CCDC40: variants seen among roughly 807,000 people sequenced by gnomAD.
The protein encoded by CCDC40 is coiled-coil domain-containing protein 40.
In CCDC40, 104 loss-of-function variants were observed where a neutral mutation model predicts 124.5. That is an observed-to-expected ratio of 0.84 (90% CI 0.71 to 0.98). The LOEUF (loss-of-function observed/expected upper bound fraction) is 0.98. Among genes scored for constraint, CCDC40 ranks in the 50% least tolerant of loss-of-function variants. CCDC40 has a pLI of 0.00. For missense variants in CCDC40, 1,463 were observed against 1,503.9 expected, an observed-to-expected ratio of 0.97 and a Z score of 0.45; for synonymous variants, 580 against 602.9, an observed-to-expected ratio of 0.96 and a Z score of 0.56.
chr17:80,095,329 C>T lies in CCDC40; in HGVS notation c.2899C>T (p.Arg967Cys), dbSNP rs1483239449. The T allele has an allele frequency of 3.7e-6, 6 of 1,614,106 alleles. No homozygotes were observed. The East Asian group carries it at 6.7e-5, about 18-fold the overall frequency. ...CCGTGCCATGGAGTTGGCGGTTGCC[C>T]GCAGAGAGACCGTCACCACCCAGGC... ...MIRAMELAVARRETVTTQAEG... is the reference protein window; with the variant it reads ...MIRAMELAVACRETVTTQAEG... Residue 967 changes from arginine (R) to cysteine (C), a missense_variant, in exon 18 of 20, where the codon CGC becomes TGC. By Grantham distance (180) the Arg-to-Cys change is radical (BLOSUM62 -3). Transcript: ENST00000397545.
intron 3 of CCDC40, among the ~76,000 whole-genome samples, chr17:80,045,507 C>T (rs1351715320): frequency 2.0e-5 from 3 of 152,236 alleles, no homozygotes; most frequent in South Asian, 2.1e-4. Flanking sequence ...AGTTCGAGAC[C>T]GGCCTGGGTA....
At chr17:80,076,542 C>T (rs1018877905) in intron 10 of CCDC40, among the ~76,000 whole-genome samples, 2 of 146,630 alleles carry the variant, frequency 1.4e-5, no homozygotes, top group Non-Finnish European at 3.0e-5. Context: ...CACTGCACTC[C>T]GGCCTGGGTG....
intron 3 of CCDC40, among the ~76,000 whole-genome samples, chr17:80,042,268 A>G (rs956157549): frequency 2.2e-4 from 34 of 152,040 alleles, no homozygotes; most frequent in African/African-American, 8.2e-4. Flanking sequence ...ACAGGCACAC[A>G]CCACCACACC....
intron 19 of CCDC40, chr17:80,098,066 A>T (rs1053374217): frequency 1.3e-5 from 2 of 157,948 alleles, no homozygotes; most frequent in African/African-American, 4.8e-5. Context: ...AGTTAGGGTG[A>T]TGCGGGAAGG....
chr17:80,063,580 G>A (rs1267911069), intron 9 of CCDC40, among the ~76,000 whole-genome samples: 1 of 152,152 alleles, frequency 6.6e-6, no homozygotes, highest in Non-Finnish European at 1.5e-5. Context: ...CTGCCCAATG[G>A]CACAGAGCAG....
rs767741459 is a variant in CCDC40, at chr17:80,087,749, A to G, written c.2592A>G (p.Thr864=). Residue 864 remains threonine (T), a synonymous_variant, in exon 15 of 20, where the codon ACA becomes ACG. Transcript: ENST00000397545. This position sits in a 1 kb window ranked among gnomAD's most constrained non-coding sequence, Gnocchi z 4.5. ...AGCTGGAGCAGAACAACCGGGTGACAGAGAATGAGTTCGTGCGCTCGCTGA... is the reference window on the plus strand; with the variant it reads ...AGCTGGAGCAGAACAACCGGGTGACGGAGAATGAGTTCGTGCGCTCGCTGA... The part of the protein sequence containing the change: ...SEELEQNNRV[T]ENEFVRSLKA... The G allele has an allele frequency of 5.6e-6, 9 of 1,614,010 alleles. No homozygotes were observed. The highest frequency in any genetic ancestry group is 1.7e-5 in the Admixed American group (1 of 60,002).
At chr17:80,060,673 G>A (rs1261529071) in intron 9 of CCDC40, among the ~76,000 whole-genome samples, 3 of 151,954 alleles carry the variant, frequency 2.0e-5, no homozygotes, top group Non-Finnish European at 4.4e-5. Context: ...CCTGGGCTAC[G>A]GAGCAAGACC....
chr17:80,097,250 C>T lies in CCDC40; in HGVS notation c.3027C>T (p.Thr1009=), dbSNP rs79588289. The T allele has an allele frequency of 8.7e-5, 141 of 1,613,892 alleles. No homozygotes were observed. In the East Asian group the frequency reaches 9.4e-4, roughly 11 times the overall value. The change falls in exon 19 of 20, where the codon ACC becomes ACT. Residue 1009 remains threonine, a synonymous_variant. Transcript: ENST00000397545. ...RRKIRDVRKA[T]DECTKTVLEL... ...TGGTCCTGTGATTCTCCTAGGCCACCGATGAGTGCACCAAAACCGTCCTGG... is the reference window on the plus strand; with the variant it reads ...TGGTCCTGTGATTCTCCTAGGCCACTGATGAGTGCACCAAAACCGTCCTGG...
intron 12 of CCDC40, 143 bp downstream of exon 12, chr17:80,082,201 T>C: frequency 3.5e-6 from 2 of 578,676 alleles, no homozygotes. Context: ...GGTGTTCAGG[T>C]TGTAAGGGTG....
chr17:80,067,790 G>A, intron 10 of CCDC40: 3 of 1,456,898 alleles, frequency 2.1e-6, no homozygotes, highest in Non-Finnish European at 2.7e-6. Flanking sequence ...GCCCCCGGCA[G>A]CGGTGTTTCA....
intron 17 of CCDC40, chr17:80,092,013 T>C (rs995750491): frequency 1.3e-5 from 2 of 151,912 alleles, no homozygotes; most frequent in Admixed American, 1.3e-4. Flanking sequence ...ATTTTCTGGG[T>C]TTTTTTGTTT....
At chr17:80,048,869 T>G in intron 5 of CCDC40, 108 bp downstream of exon 5, 1 of 1,001,644 alleles carries the variant, frequency 1.0e-6, no homozygotes, top group Non-Finnish European at 1.5e-6. Context: ...ATGCTGTACT[T>G]GTATCTCGCC....
intron 9 of CCDC40, among the ~76,000 whole-genome samples, chr17:80,062,715 G>A (rs1364721530): frequency 6.6e-6 from 1 of 152,024 alleles, no homozygotes; most frequent in Non-Finnish European, 1.5e-5. Flanking sequence ...AAGTAGGTAG[G>A]ACTATAAGCA....
At chr17:80,089,074 A>T (rs1340675642) in intron 16 of CCDC40, among the ~76,000 whole-genome samples, 1 of 152,248 alleles carries the variant, frequency 6.6e-6, no homozygotes, top group Non-Finnish European at 1.5e-5. Context: ...ATATAATTCC[A>T]ACGCCCTTCA....
intron 1 of CCDC40, among the ~76,000 whole-genome samples, chr17:80,037,710 T>TATATATATATATATAG (rs2037152773): frequency 7.1e-6 from 1 of 141,494 alleles, no homozygotes; most frequent in Admixed American, 7.1e-5. Context: ...TATATATATA[T>TATATATATATATATAG]ATATATATAT....
At chr17:80,091,356 G>GAA in intron 17 of CCDC40, among the ~76,000 whole-genome samples, 1 of 146,786 alleles carries the variant, frequency 6.8e-6, no homozygotes, top group African/African-American at 2.6e-5. Flanking sequence ...GAGAGAGAGA[G>GAA]AGAAAGAAAG....
chr17:80,053,228 G>A (rs146106586), intron 7 of CCDC40, among the ~76,000 whole-genome samples: 3 of 152,322 alleles, frequency 2.0e-5, no homozygotes, highest in African/African-American at 2.4e-5. Flanking sequence ...ATAAACCTCC[G>A]CAGACATAGC....
chr17:80,036,945 A>C (rs2037081470), intron 1 of CCDC40, among the ~76,000 whole-genome samples: 5 of 143,130 alleles, frequency 3.5e-5, no homozygotes, highest in African/African-American at 7.9e-5. Context: ...TCTTTCCCCT[A>C]CTCCAAGCGC....
intron 10 of CCDC40, among the ~76,000 whole-genome samples, chr17:80,078,086 C>T (rs1268696732): frequency 6.6e-6 from 1 of 152,126 alleles, no homozygotes; most frequent in Non-Finnish European, 1.5e-5. Context: ...AATCCCAGCA[C>T]TTTGGGAGGC....
Sources: allele counts gnomAD v4.1 joint callset (sites outside exome capture counted in the v4.1 genomes callset), GRCh38; gene constraint gnomAD v4.1.1; non-coding constraint Gnocchi (gnomAD v3.1); transcripts MANE v1.5; gene names NCBI Gene and HGNC (gene_info 2026-07-23, HGNC 2026-07-21).